AGPAT3: variants seen among roughly 807,000 people sequenced by gnomAD.
The protein encoded by AGPAT3 is 1-acylglycerol-3-phosphate O-acyltransferase 3, also known as 1-acyl-sn-glycerol-3-phosphate acyltransferase gamma.
Under a neutral mutation model 47.3 loss-of-function variants are expected in AGPAT3, and 5 were observed. The observed-to-expected ratio is 0.11, with a 90% CI of 0.06 to 0.22. The LOEUF (loss-of-function observed/expected upper bound fraction) is 0.22, where lower values mean the gene tolerates loss of function less well. Ranked by LOEUF, AGPAT3 falls within the 10% of genes least tolerant of loss-of-function variation. AGPAT3 has a pLI of 1.00. For missense variants in AGPAT3, 315 were observed against 493.0 expected (o/e 0.64, Z 3.42); for synonymous variants, 212 against 208.3 (o/e 1.02, Z -0.15).
chr21:43,925,916 G>C (rs1382969419), intron 2 of AGPAT3, among the ~76,000 whole-genome samples: 1 of 152,264 alleles, frequency 6.6e-6, no homozygotes, highest in African/African-American at 2.4e-5. Context: ...TGGCCTCTCT[G>C]GTGTGGTGGC....
At chr21:43,931,865 A>G (rs182117350) in intron 2 of AGPAT3, among the ~76,000 whole-genome samples, 21 of 151,812 alleles carry the variant, frequency 1.4e-4, no homozygotes, top group African/African-American at 3.6e-4. Flanking sequence ...AGCTATCTCA[A>G]TGTTCCATAC....
chr21:43,974,237 TTA>T (rs1569105786), intron 7 of AGPAT3, among the ~76,000 whole-genome samples: 5 of 152,098 alleles, frequency 3.3e-5, no homozygotes. Flanking sequence ...TGTGTATAAA[TTA>T]TATGTGTGTA....
At chr21:43,891,550 G>A (rs770128659) in intron 1 of AGPAT3, among the ~76,000 whole-genome samples, 3 of 151,838 alleles carry the variant, frequency 2.0e-5, no homozygotes, top group Non-Finnish European at 4.4e-5. Flanking sequence ...GGAGAATGGC[G>A]TGAACCCGGG....
chr21:43,936,771 G>A (rs539211945), intron 2 of AGPAT3, among the ~76,000 whole-genome samples: 26 of 152,340 alleles, frequency 1.7e-4, no homozygotes, highest in African/African-American at 4.8e-4. Context: ...CATGCCTGGC[G>A]CCAGCCTGGC....
At chr21:43,909,616 G>T (rs1428202643) in intron 2 of AGPAT3, among the ~76,000 whole-genome samples, 1 of 152,194 alleles carries the variant, frequency 6.6e-6, no homozygotes, top group Non-Finnish European at 1.5e-5. Context: ...CATTTGAAGA[G>T]GACTTTAAAG....
intron 1 of AGPAT3, among the ~76,000 whole-genome samples, chr21:43,890,579 A>C (rs1467270455): frequency 6.6e-6 from 1 of 151,244 alleles, no homozygotes; most frequent in African/African-American, 2.4e-5. Context: ...TGCCTGGCTC[A>C]TTTTTGCACT....
intron 2 of AGPAT3, among the ~76,000 whole-genome samples, chr21:43,956,927 C>G (rs544080958): frequency 6.6e-6 from 1 of 152,188 alleles, no homozygotes; most frequent in African/African-American, 2.4e-5. Flanking sequence ...TCATCAGATG[C>G]AATGACCAAG....
In AGPAT3 at chr21:43,955,086, G is replaced by A; in HGVS notation, c.-48-4548G>A. The stretch of plus-strand genomic sequence containing the variant: ...AAGGCTGGGTGCCAGCTGCCTGTCG[G>A]CAGGGAGCGTATCACCGTGGCACGT... On this transcript the variant is annotated intron_variant, in intron 2 of 9. Transcript: ENST00000291572. The surrounding 1 kb of genome is among the most constrained non-coding windows in gnomAD (Gnocchi z 4.1). 1 of 1,250,566 alleles carries A rather than the reference G, an allele frequency of 8.0e-7. No individual in the cohort carries two copies. The highest frequency in any genetic ancestry group is 1.0e-6 in the Non-Finnish European group (1 of 963,596). 77.5% of individuals were successfully genotyped at this position (1,250,566 alleles called of 1,614,324 possible). A position where few individuals can be genotyped will look rare whatever the true frequency, so the allele number is the denominator to read the frequency against.
intron 2 of AGPAT3, among the ~76,000 whole-genome samples, chr21:43,940,549 G>A (rs1334221990): frequency 2.0e-5 from 3 of 152,234 alleles, no homozygotes; most frequent in South Asian, 2.1e-4. Flanking sequence ...CTGCAAAGGG[G>A]TTTTTGTTCA....
intron 7 of AGPAT3, among the ~76,000 whole-genome samples, chr21:43,977,376 A>ACT (rs1182109035): frequency 2.0e-5 from 3 of 152,018 alleles, no homozygotes; most frequent in Non-Finnish European, 4.4e-5. Context: ...AAAGACCAGA[A>ACT]CTCTCGGGAG....
chr21:43,938,912 C>T (rs149498982), intron 2 of AGPAT3, among the ~76,000 whole-genome samples: 10 of 152,284 alleles, frequency 6.6e-5, no homozygotes, highest in Non-Finnish European at 1.3e-4. Flanking sequence ...CTCCCCCAGG[C>T]CTGGGAAGGC....
rs866977135 is a variant in AGPAT3, at chr21:43,953,136, C to G, written c.-48-6498C>G. 1.8e-4 allele frequency among the ~76,000 whole-genome samples: 28 copies of G among 152,260 alleles called. 1 individual carries two copies. The highest frequency in any genetic ancestry group is 5.8e-4 in the East Asian group (3 of 5,184). On this transcript the variant is annotated intron_variant, in intron 2 of 9. Transcript: ENST00000291572. ...GACAAATCCAGGGTGTGGGGCACGC[C>G]GCAGAGAGCTGCCTTAGCCGCTTCA...
intron 7 of AGPAT3, among the ~76,000 whole-genome samples, chr21:43,972,774 T>G (rs2089451233): frequency 6.6e-6 from 1 of 152,224 alleles, no homozygotes; most frequent in Non-Finnish European, 1.5e-5. Flanking sequence ...AATCATCATT[T>G]CAGGCAGGCC....
rs2030101463 is a variant in AGPAT3, at chr21:43,984,896, C to T, written c.*2504C>T. 5.7e-6 allele frequency: 2 copies of T among 349,108 alleles called. No individual in the cohort carries two copies. The highest frequency in any genetic ancestry group is 4.2e-5 in the South Asian group (2 of 47,182). The allele number at this position is 349,108 out of a possible 1,614,324, so 21.6% of individuals were successfully genotyped here. ...CAGGCTGAAGCAACTCTGTAGCCCA[C>T]AGTCCGTGCTGGCCACTGTCGGGGT... On this transcript the variant is annotated 3_prime_UTR_variant, in exon 10 of 10. Transcript: ENST00000291572.
At chr21:43,875,914 CTAT>C (rs1160747678) in intron 1 of AGPAT3, among the ~76,000 whole-genome samples, 4 of 152,178 alleles carry the variant, frequency 2.6e-5, no homozygotes, top group South Asian at 2.1e-4. Context: ...AGCCTCTGCG[CTAT>C]TAATATTTAA....
chr21:43,934,777 C>A lies in AGPAT3; in HGVS notation c.-48-24857C>A, dbSNP rs947955199. Among the ~76,000 whole-genome samples, 42 of 151,848 alleles carry A rather than the reference C, an allele frequency of 2.8e-4. No individual in the cohort carries two copies. Among genetic ancestry groups the A allele is most frequent in the Non-Finnish European group, 2.1e-4 (14 of 67,890 alleles). On this transcript the variant is annotated intron_variant, in intron 2 of 9. Transcript: ENST00000291572. The surrounding 1 kb of genome is among the most constrained non-coding windows in gnomAD (Gnocchi z 4.7). ...CCACGTGCTGCCATATCACATCACGCCACCCACGCCACTCACACGCCACCC... is the reference window on the plus strand; with the variant it reads ...CCACGTGCTGCCATATCACATCACGACACCCACGCCACTCACACGCCACCC...
rs566883928 is a variant in AGPAT3 at position 43,909,389 on chromosome 21, G to A, written c.-49+5370G>A. On this transcript the variant is annotated intron_variant, in intron 2 of 9. Coordinates refer to ENST00000291572, the MANE Select transcript of AGPAT3 (RefSeq NM_020132.5). ...CGGCTCACCGCAAGCTCCGTCTCCC[G>A]GGTTCACGCCATTCTCCTGCCTCAG... is the stretch of plus-strand genomic sequence containing the variant. Among the ~76,000 whole-genome samples the A allele has an allele frequency of 1.8e-4, 28 of 151,360 alleles. 1 individual carries two copies. The South Asian group carries it at 4.8e-3, about 26-fold the overall frequency.
chr21:43,875,792 G>A (rs978056381), intron 1 of AGPAT3, among the ~76,000 whole-genome samples: 2 of 152,158 alleles, frequency 1.3e-5, no homozygotes, highest in Admixed American at 6.5e-5. Flanking sequence ...ATTTCTAGTA[G>A]AGACGGGGTT....
At chr21:43,977,541 C>T (rs1417071888) in intron 7 of AGPAT3, among the ~76,000 whole-genome samples, 3 of 152,168 alleles carry the variant, frequency 2.0e-5, no homozygotes, top group Non-Finnish European at 2.9e-5. Context: ...GTACTCAGGG[C>T]GGATGCCTGA....
Sources: gnomAD v4.1 joint callset for allele counts (sites outside exome capture counted in the v4.1 genomes callset) on GRCh38, gnomAD v4.1.1 for gene constraint, Gnocchi (gnomAD v3.1) non-coding constraint, MANE v1.5 for transcripts, NCBI Gene and HGNC (gene_info 2026-07-23, HGNC 2026-07-21) for gene names.